The following RASA2 variants were observed in gnomAD, a reference collection of about 807,000 sequenced individuals.
RASA2 encodes RAS p21 protein activator 2.
A neutral mutation model predicts 118.2 loss-of-function variants in RASA2; 155 were observed. The observed-to-expected ratio is 1.31, with a 90% CI of 1.15 to 1.50. RASA2 has a LOEUF of 1.50. RASA2 is among the 40% of genes most tolerant of loss of function. The pLI, the probability that RASA2 is intolerant of heterozygous loss-of-function variation, is 0.00. For synonymous variants in RASA2, 353 were observed against 349.1 expected, an observed-to-expected ratio of 1.01 and a Z score of -0.12; for missense variants, 1,016 against 1,009.6, an observed-to-expected ratio of 1.01 and a Z score of -0.09.
At chr3:141,498,385 A>G (rs1033094788) in intron 1 of RASA2, among the ~76,000 whole-genome samples, 1 of 150,252 alleles carries the variant, frequency 6.7e-6, no homozygotes, top group African/African-American at 2.5e-5. Flanking sequence ...GAAGTTGATA[A>G]TTACTCCTAA....
At chr3:141,498,326 T>A (rs2081732453) in intron 1 of RASA2, among the ~76,000 whole-genome samples, 1 of 152,350 alleles carries the variant, frequency 6.6e-6, no homozygotes, top group South Asian at 2.1e-4. Context: ...CAAAGCTGCC[T>A]GTGAGATGAT....
Position 141,614,900 on chromosome 3 carries a change from T to A in RASA2, c.*2587T>A, listed in dbSNP as rs184518267. The A allele has an allele frequency of 6.6e-6, 1 of 152,178 alleles. No homozygotes were observed. The highest frequency in any genetic ancestry group is 1.5e-5 in the Non-Finnish European group (1 of 68,026). The allele number at this position is 152,178 out of a possible 1,614,324, so 9.4% of individuals were successfully genotyped here. ...AAACAAAAAAAGGTGACGAATAATA[T>A]GGCTTTTGTTTCTGTTTCTGAAGCC... On this transcript the variant is annotated 3_prime_UTR_variant, in exon 24 of 24. Coordinates refer to ENST00000286364, the MANE Select transcript of RASA2 (RefSeq NM_006506.5).
At chr3:141,514,985 G>A (rs1433063996) in intron 2 of RASA2, among the ~76,000 whole-genome samples, 1 of 152,168 alleles carries the variant, frequency 6.6e-6, no homozygotes, top group African/African-American at 2.4e-5. Context: ...ACAGGTTGGG[G>A]CAGGTATGAT....
intron 19 of RASA2, among the ~76,000 whole-genome samples, chr3:141,589,324 C>T (rs1287393386): frequency 6.6e-6 from 1 of 152,006 alleles, no homozygotes; most frequent in Non-Finnish European, 1.5e-5. Flanking sequence ...CTTTTTTCTT[C>T]ATTTAAAGCA....
intron 4 of RASA2, among the ~76,000 whole-genome samples, chr3:141,540,109 T>C (rs1013527671): frequency 3.3e-5 from 5 of 152,078 alleles, no homozygotes; most frequent in Admixed American, 3.3e-4. Context: ...GTAACTTAGT[T>C]TTTAGTTGTT....
intron 5 of RASA2, among the ~76,000 whole-genome samples, chr3:141,546,800 A>G (rs774036898): frequency 2.8e-4 from 42 of 152,144 alleles, no homozygotes; most frequent in African/African-American, 9.4e-4. Flanking sequence ...GAGTTTCCCA[A>G]TGTTTTCTTG....
intron 2 of RASA2, among the ~76,000 whole-genome samples, chr3:141,513,122 G>A (rs1318745806): frequency 6.7e-6 from 1 of 149,168 alleles, no homozygotes; most frequent in East Asian, 1.9e-4. Flanking sequence ...ATTGGAATGA[G>A]CATGTGGTGG....
At chr3:141,566,168 G>A (rs1431941907) in intron 9 of RASA2, among the ~76,000 whole-genome samples, 3 of 152,200 alleles carry the variant, frequency 2.0e-5, no homozygotes, top group African/African-American at 7.2e-5. Context: ...AGTGAAGGAG[G>A]AGTGATAGAG....
At position 141,574,019 on chromosome 3, in the gene RASA2, T is replaced by A. The variant is rs1400411584; in HGVS notation, c.1435T>A (p.Cys479Ser). The change falls in exon 14 of 24, where the codon TGT becomes AGT. Residue 479 changes from cysteine to serine, a missense_variant. Around this residue, in one of 2 missense-constraint regions of RASA2, gnomAD observed 896 missense variants for 836.4 expected, o/e 1.07. Transcript: ENST00000286364. ...KSSMSCPTVM[C>S]DIFYSLRQMA... The stretch of plus-strand genomic sequence containing the variant: ...AAGTATGAGCTGCCCCACTGTAATG[T>A]GTGATATCTTTTATTCTCTAAGGCA... The A allele has an allele frequency of 6.3e-7, 1 of 1,592,634 alleles. No individual in the cohort carries two copies. The highest frequency in any genetic ancestry group is 8.6e-7 in the Non-Finnish European group (1 of 1,165,040).
chr3:141,538,310 A>G (rs547456864), intron 4 of RASA2, among the ~76,000 whole-genome samples: 1 of 152,328 alleles, frequency 6.6e-6, no homozygotes, highest in South Asian at 2.1e-4. Flanking sequence ...ACAACACAGT[A>G]GTAGTAAAAA....
chr3:141,534,058 A>C (rs1008045598), intron 4 of RASA2, among the ~76,000 whole-genome samples: 1 of 152,096 alleles, frequency 6.6e-6, no homozygotes, highest in Non-Finnish European at 1.5e-5. Flanking sequence ...ATTCTTTCTC[A>C]ATATTCTTTG....
intron 4 of RASA2, among the ~76,000 whole-genome samples, chr3:141,530,771 G>A (rs2082248049): frequency 6.6e-6 from 1 of 151,978 alleles, no homozygotes; most frequent in Non-Finnish European, 1.5e-5. Context: ...TACTTTTCCT[G>A]TTTAACCTAC....
intron 17 of RASA2, among the ~76,000 whole-genome samples, chr3:141,583,452 T>C (rs984741520): frequency 2.0e-5 from 3 of 151,988 alleles, no homozygotes; most frequent in African/African-American, 7.2e-5. Flanking sequence ...TTATTATAAA[T>C]AATAAATATT....
intron 19 of RASA2, among the ~76,000 whole-genome samples, chr3:141,589,576 C>T (rs966044770): frequency 6.6e-6 from 1 of 152,150 alleles, no homozygotes; most frequent in Non-Finnish European, 1.5e-5. Context: ...GGCGCGGTGG[C>T]TCACACCCGT....
At position 141,574,070 on chromosome 3, in the gene RASA2, A is replaced by C; in HGVS notation, c.1483+3A>C. On this transcript the variant is annotated splice_donor_region_variant and intron_variant, in intron 14 of 23. Transcript: ENST00000286364. ...GATGGCTACTCAGAGATTTCCTAGTAAGTGCCTTGTTTTACTAAAACATGC... is the reference window on the plus strand; with the variant it reads ...GATGGCTACTCAGAGATTTCCTAGTCAGTGCCTTGTTTTACTAAAACATGC... 1 of 1,465,618 alleles carries C rather than the reference A, an allele frequency of 6.8e-7. No individual in the cohort carries two copies. The highest frequency in any genetic ancestry group is 9.1e-7 in the Non-Finnish European group (1 of 1,099,066). 90.8% of individuals were successfully genotyped at this position (1,465,618 alleles called of 1,614,324 possible).
At chr3:141,558,325 C>T (rs1489530770) in intron 7 of RASA2, among the ~76,000 whole-genome samples, 1 of 152,088 alleles carries the variant, frequency 6.6e-6, no homozygotes, top group East Asian at 1.9e-4. Context: ...TCTATAGATT[C>T]TGAAAAAGAA....
chr3:141,545,180 T>G (rs2082466311), intron 5 of RASA2, among the ~76,000 whole-genome samples: 1 of 152,252 alleles, frequency 6.6e-6, no homozygotes, highest in Non-Finnish European at 1.5e-5. Flanking sequence ...TTATGATGGC[T>G]GCTTTCAGAT....
intron 1 of RASA2, among the ~76,000 whole-genome samples, chr3:141,489,205 AG>A (rs2151064656): frequency 6.6e-6 from 1 of 152,072 alleles, no homozygotes; most frequent in African/African-American, 2.4e-5. Context: ...CTTATAGCTC[AG>A]GTTATGGAGT....
intron 17 of RASA2, among the ~76,000 whole-genome samples, chr3:141,582,813 C>G (rs1180762779): frequency 1.3e-5 from 2 of 152,160 alleles, no homozygotes; most frequent in African/African-American, 4.8e-5. Flanking sequence ...GGCACTCTGC[C>G]TAGTGACATT....
Sources: gnomAD v4.1 joint callset for allele counts (sites outside exome capture counted in the v4.1 genomes callset) on GRCh38, gnomAD v4.1.1 for gene constraint, gnomAD v4.1.1 regional missense constraint, MANE v1.5 for transcripts, NCBI Gene and HGNC (gene_info 2026-07-23, HGNC 2026-07-21) for gene names.